PHTF1: variants seen among roughly 807,000 people sequenced by gnomAD.
The protein encoded by PHTF1 is putative homeodomain transcription factor 1, also known as protein PHTF1.
PHTF1 carries 88 observed loss-of-function variants against 102.4 expected under a neutral mutation model. That is an observed-to-expected ratio of 0.86 (90% confidence interval 0.72 to 1.03). The LOEUF (loss-of-function observed/expected upper bound fraction) is 1.03, where lower values mean the gene tolerates loss of function less well. PHTF1 is among the 50% of genes least tolerant of loss of function. The probability of loss-of-function intolerance (pLI) is 0.00; values close to 1 mark genes in which losing one functional copy is unlikely to be tolerated. For missense variants in PHTF1, 814 were observed against 909.5 expected, an observed-to-expected ratio of 0.89 and a Z score of 1.35; for synonymous variants, 289 against 305.2, an observed-to-expected ratio of 0.95 and a Z score of 0.55.
chr1:113,697,306 A>G lies in PHTF1; in HGVS notation c.*399T>C, dbSNP rs1648908293. ...TCTCCAGTTCTATAGACTATAATGG[A>G]AAAGTATTGAATTTGCATATTTCCA... On this transcript the variant is annotated 3_prime_UTR_variant, in exon 19 of 19. Coordinates refer to ENST00000369604, the MANE Select transcript of PHTF1 (RefSeq NM_001323043.2). The G allele has an allele frequency of 6.1e-6, 1 of 163,026 alleles. No homozygotes were observed. Among genetic ancestry groups the G allele is most frequent in the Non-Finnish European group, 1.3e-5 (1 of 75,210 alleles). 10.1% of individuals were successfully genotyped at this position (163,026 alleles called of 1,614,324 possible).
intron 3 of PHTF1, among the ~76,000 whole-genome samples, chr1:113,742,092 A>T (rs1656455950): frequency 6.6e-6 from 1 of 152,160 alleles, no homozygotes; most frequent in Non-Finnish European, 1.5e-5. Flanking sequence ...TGCATCACTT[A>T]ATGTCAGGGA....
In PHTF1 at chr1:113,726,122, G is replaced by A. The variant is rs1290590005; in HGVS notation, c.488+296C>T. The stretch of plus-strand genomic sequence containing the variant: ...ATTTTGATTAAGACTGAATTTCAAA[G>A]AGAATGTTTTCTTTGAAGCCAATAT... On this transcript the variant is annotated intron_variant, in intron 6 of 18. Transcript: ENST00000369604. Among the ~76,000 whole-genome samples, 4 of 152,212 alleles carry A rather than the reference G, an allele frequency of 2.6e-5. No homozygotes were observed. The South Asian group carries it at 8.3e-4, about 32-fold the overall frequency.
chr1:113,755,030 C>T (rs367626527), intron 3 of PHTF1, among the ~76,000 whole-genome samples: 4 of 151,960 alleles, frequency 2.6e-5, no homozygotes, highest in Non-Finnish European at 5.9e-5. Flanking sequence ...AGAGTTCATA[C>T]CATTTTTCAT....
intron 3 of PHTF1, among the ~76,000 whole-genome samples, chr1:113,741,937 T>C (rs1656428251): frequency 1.3e-5 from 2 of 152,148 alleles, no homozygotes; most frequent in South Asian, 4.1e-4. Flanking sequence ...AGTCACAATA[T>C]ACTGTTGTAT....
At chr1:113,708,709 A>C (rs1650591907) in intron 11 of PHTF1, among the ~76,000 whole-genome samples, 1 of 152,194 alleles carries the variant, frequency 6.6e-6, no homozygotes. Flanking sequence ...AATACAGGGA[A>C]TAAAAGAATA....
intron 3 of PHTF1, among the ~76,000 whole-genome samples, chr1:113,751,374 C>T (rs1312902397): frequency 1.3e-5 from 2 of 152,144 alleles, no homozygotes; most frequent in Non-Finnish European, 2.9e-5. Flanking sequence ...AAGTTCCTTT[C>T]TGCCTGTTTG....
At chr1:113,735,365 CAAAAAAAAAAAAA>C (rs749964684) in intron 5 of PHTF1, among the ~76,000 whole-genome samples, 7 of 28,448 alleles carry the variant, frequency 2.5e-4, no homozygotes, top group African/African-American at 7.8e-4. Context: ...GACTCTGTCT[CAAAAAAAAAAAAA>C]AAAAAAAAAA....
At chr1:113,756,289 A>G (rs1571270461) in intron 3 of PHTF1, among the ~76,000 whole-genome samples, 1 of 152,168 alleles carries the variant, frequency 6.6e-6, no homozygotes, top group South Asian at 2.1e-4. Context: ...TCCTAACCCC[A>G]TCTCCCACTA....
chr1:113,727,581 G>A (rs145839095), intron 5 of PHTF1, among the ~76,000 whole-genome samples: 2 of 152,314 alleles, frequency 1.3e-5, no homozygotes, highest in African/African-American at 4.8e-5. Context: ...TTAAGTATTT[G>A]TTGACTCAAG....
At chr1:113,752,385 A>ATT (rs774522219) in intron 3 of PHTF1, among the ~76,000 whole-genome samples, 889 of 47,986 alleles carry the variant, frequency 0.019, 198 homozygotes, top group East Asian at 0.024. Flanking sequence ...TGTTACTGTA[A>ATT]TTTTTTTTTT....
chr1:113,752,538 A>G (rs1658258145), intron 3 of PHTF1, among the ~76,000 whole-genome samples: 2 of 39,918 alleles, frequency 5.0e-5, no homozygotes, highest in African/African-American at 3.0e-4. Flanking sequence ...GTAGCCTGCA[A>G]CCACGCCTGG....
intron 7 of PHTF1, among the ~76,000 whole-genome samples, chr1:113,716,441 C>G (rs1652051387): frequency 6.8e-6 from 1 of 147,574 alleles, no homozygotes; most frequent in Admixed American, 7.0e-5. Context: ...ACGTCCTGGG[C>G]TCAGGCGATC....
intron 16 of PHTF1, chr1:113,700,191 AC>A (rs1183334136): frequency 1.1e-6 from 1 of 950,632 alleles, no homozygotes; most frequent in Non-Finnish European, 1.3e-6. Flanking sequence ...AGCTCCTTTT[AC>A]TTTACTAATT....
At position 113,713,501 on chromosome 1, in the gene PHTF1, T is replaced by C. The variant is rs145162798; in HGVS notation, c.624-63A>G. ...AAAGTAACACCTTTCATGAAACCAC[T>C]TTCTTTTAAGGAATACGCTATATTA... On this transcript the variant is annotated intron_variant, in intron 7 of 18. Coordinates refer to ENST00000369604, the MANE Select transcript of PHTF1 (RefSeq NM_001323043.2). 4 of 878,408 alleles carry C rather than the reference T, an allele frequency of 4.6e-6. No homozygotes were observed. The South Asian group carries it at 4.7e-5, about 10-fold the overall frequency. The allele number at this position is 878,408 out of a possible 1,614,324, so 54.4% of individuals were successfully genotyped here. A position where few individuals can be genotyped will look rare whatever the true frequency, so the allele number is the denominator to read the frequency against.
At chr1:113,751,758 G>A (rs1658117130) in intron 3 of PHTF1, among the ~76,000 whole-genome samples, 1 of 152,210 alleles carries the variant, frequency 6.6e-6, no homozygotes, top group African/African-American at 2.4e-5. Flanking sequence ...GAGTGGAAAT[G>A]TTGGGTCATG....
chr1:113,741,104 A>G (rs1180050946), intron 3 of PHTF1, among the ~76,000 whole-genome samples: 1 of 152,212 alleles, frequency 6.6e-6, no homozygotes, highest in Non-Finnish European at 1.5e-5. Context: ...TAGATATTCA[A>G]TCACTAAAAT....
At chr1:113,712,223 AAACT>A (rs1298273132) in intron 8 of PHTF1, 110 bp from the exon 9 acceptor site, 1 of 757,572 alleles carries the variant, frequency 1.3e-6, no homozygotes, top group Non-Finnish European at 2.2e-6. Flanking sequence ...CAGCAAAAGT[AAACT>A]AACCCAAAAC....
intron 5 of PHTF1, among the ~76,000 whole-genome samples, chr1:113,737,434 A>C (rs1414161928): frequency 6.6e-6 from 1 of 152,250 alleles, no homozygotes; most frequent in Non-Finnish European, 1.5e-5. Flanking sequence ...CTGAAGATAT[A>C]GATTTGGGAA....
chr1:113,723,435 C>T (rs1653321227), intron 7 of PHTF1, among the ~76,000 whole-genome samples: 1 of 152,180 alleles, frequency 6.6e-6, no homozygotes, highest in African/African-American at 2.4e-5. Context: ...GCCTCAGCCT[C>T]CCAAAGTGCT....
Sources: allele counts gnomAD v4.1 joint callset (sites outside exome capture counted in the v4.1 genomes callset), GRCh38; gene constraint gnomAD v4.1.1; transcripts MANE v1.5; gene names NCBI Gene and HGNC (gene_info 2026-07-23, HGNC 2026-07-21).